Variants in FSTL4 observed in about 807,000 individuals in gnomAD.
FSTL4 encodes follistatin-related protein 4.
A neutral mutation model predicts 78.2 loss-of-function variants in FSTL4; 28 were observed. That is an observed-to-expected ratio of 0.36 (90% CI 0.27 to 0.49). The LOEUF is 0.49. Ranked by LOEUF, FSTL4 falls within the 20% of genes least tolerant of loss-of-function variation. FSTL4 has a pLI of 0.98. For missense variants in FSTL4, 922 were observed against 1,084.9 expected, an observed-to-expected ratio of 0.85 and a Z score of 2.11; for synonymous variants, 422 against 440.5, an observed-to-expected ratio of 0.96 and a Z score of 0.53.
the FSTL4 span, among the ~76,000 whole-genome samples, chr5:133,617,744 A>G: frequency 2.6e-5 from 4 of 152,178 alleles, no homozygotes; most frequent in Non-Finnish European, 5.9e-5. Context: ...GAGACCCCAG[A>G]CTGATAGAAG....
At chr5:133,217,447 C>A in intron 12 of FSTL4, 69 bp from the exon 13 acceptor site, 1 of 1,413,786 alleles carries the variant, frequency 7.1e-7, no homozygotes. Flanking sequence ...TAGGTACTCT[C>A]TCCCCTGACC....
chr5:133,655,776 G>A, the FSTL4 span, among the ~76,000 whole-genome samples: 3 of 152,198 alleles, frequency 2.0e-5, no homozygotes, highest in African/African-American at 7.2e-5. Flanking sequence ...GGGTGTTCAG[G>A]AATTGCAAAA....
chr5:133,631,937 G>A, the FSTL4 span, among the ~76,000 whole-genome samples: 1 of 152,034 alleles, frequency 6.6e-6, no homozygotes, highest in Non-Finnish European at 1.5e-5. Flanking sequence ...TCATAAGTGG[G>A]AGTTGAACAA....
At position 133,196,677 on chromosome 5, in the gene FSTL4, C is replaced by CA. The variant is rs1750155772; in HGVS notation, c.*2417_*2418insT. ...TGGCTTTCCAACTGTGTCCCATGAA[C>CA]CTCTGCTGGGGTGAAGTATGGGAGA... On this transcript the variant is annotated 3_prime_UTR_variant, in exon 16 of 16. Coordinates refer to ENST00000265342, the MANE Select transcript of FSTL4 (RefSeq NM_015082.2). 1 of 152,230 alleles carries CA rather than the reference C, an allele frequency of 6.6e-6. No homozygotes were observed. The highest frequency in any genetic ancestry group is 2.1e-4 in the South Asian group (1 of 4,832). The allele number at this position is 152,230 out of a possible 1,614,324, so 9.4% of individuals were successfully genotyped here.
At chr5:133,765,682 G>A in the FSTL4 span, among the ~76,000 whole-genome samples, 2 of 152,220 alleles carry the variant, frequency 1.3e-5, no homozygotes, top group African/African-American at 4.8e-5. Flanking sequence ...CGAGCACAGT[G>A]GAAGAGGGAG....
intron 3 of FSTL4, among the ~76,000 whole-genome samples, chr5:133,472,404 G>A (rs1272053733): frequency 6.6e-6 from 1 of 152,066 alleles, no homozygotes; most frequent in Admixed American, 6.5e-5. Flanking sequence ...AGGAGAGTGC[G>A]AGCAAAAAGA....
the FSTL4 span, among the ~76,000 whole-genome samples, chr5:133,781,393 G>A: frequency 1.1e-4 from 16 of 151,006 alleles, no homozygotes; most frequent in East Asian, 2.9e-3. Flanking sequence ...GTGTGTGTGT[G>A]TGTGTGTGTG....
intron 2 of FSTL4, among the ~76,000 whole-genome samples, chr5:133,579,859 G>C (rs961107336): frequency 1.3e-5 from 2 of 152,088 alleles, no homozygotes; most frequent in African/African-American, 4.8e-5. Context: ...AGATACAGAC[G>C]GTCTGACATA....
chr5:133,753,685 G>T, the FSTL4 span, among the ~76,000 whole-genome samples: 2 of 28,688 alleles, frequency 7.0e-5, no homozygotes, highest in African/African-American at 3.2e-4. Flanking sequence ...CATTTGTTCT[G>T]TGTGTGTGTG....
the FSTL4 span, among the ~76,000 whole-genome samples, chr5:133,654,856 C>T: frequency 6.6e-6 from 1 of 152,170 alleles, no homozygotes; most frequent in Admixed American, 6.5e-5. Flanking sequence ...CTGGCCACCT[C>T]GAAATCTCAG....
intron 6 of FSTL4, among the ~76,000 whole-genome samples, chr5:133,295,775 C>T (rs1469519991): frequency 6.6e-6 from 1 of 152,180 alleles, no homozygotes. Flanking sequence ...TTGCACTTGC[C>T]TGGGTTTCCT....
chr5:133,335,882 T>G (rs1442239942), intron 4 of FSTL4, among the ~76,000 whole-genome samples: 1 of 152,130 alleles, frequency 6.6e-6, no homozygotes, highest in Non-Finnish European at 1.5e-5. Context: ...GGGTGCTTCT[T>G]AATTATTTGG....
intron 12 of FSTL4, among the ~76,000 whole-genome samples, chr5:133,219,023 A>C (rs76882147): frequency 6.6e-6 from 1 of 152,216 alleles, no homozygotes; most frequent in Admixed American, 6.5e-5. Flanking sequence ...TTTGTCTTAC[A>C]TGATATACAG....
In FSTL4 at chr5:133,579,911, A is replaced by G. The variant is rs139749947; in HGVS notation, c.127-12692T>C. ...CAGAGTCATGGTGGGGCCAGCGGTG[A>G]TTGATCAGGCTGGAGCCTCTGAGAA... On this transcript the variant is annotated intron_variant, in intron 2 of 15. Coordinates refer to ENST00000265342, the MANE Select transcript of FSTL4 (RefSeq NM_015082.2). Among the ~76,000 whole-genome samples the G allele has an allele frequency of 5.8e-4, 88 of 152,290 alleles. No homozygotes were observed. The East Asian group carries it at 0.014, about 24-fold the overall frequency.
intron 3 of FSTL4, among the ~76,000 whole-genome samples, chr5:133,406,374 C>T (rs1756363047): frequency 6.6e-6 from 1 of 152,240 alleles, no homozygotes; most frequent in Non-Finnish European, 1.5e-5. Flanking sequence ...CCCTGCCCAA[C>T]TGTCCCACCT....
the FSTL4 span, among the ~76,000 whole-genome samples, chr5:133,681,340 G>T: frequency 6.6e-6 from 1 of 152,196 alleles, no homozygotes. Flanking sequence ...GGGCATATGC[G>T]CTCCTGCCTC....
At chr5:133,682,336 A>G in the FSTL4 span, among the ~76,000 whole-genome samples, 4 of 152,224 alleles carry the variant, frequency 2.6e-5, no homozygotes, top group Admixed American at 2.6e-4. Flanking sequence ...GTCCCAGATC[A>G]TAGCACCCAT....
intron 3 of FSTL4, among the ~76,000 whole-genome samples, chr5:133,411,900 C>A (rs1756483578): frequency 1.3e-5 from 2 of 151,992 alleles, no homozygotes; most frequent in African/African-American, 2.4e-5. Context: ...TTAATCATTC[C>A]TCTCAACAGT....
chr5:133,759,822 T>G, the FSTL4 span, among the ~76,000 whole-genome samples: 1 of 152,372 alleles, frequency 6.6e-6, no homozygotes, highest in Non-Finnish European at 1.5e-5. Flanking sequence ...ACTAAATGAT[T>G]CTACATTCTA....
Sources: gnomAD v4.1 joint callset for allele counts (sites outside exome capture counted in the v4.1 genomes callset) on GRCh38, gnomAD v4.1.1 for gene constraint, MANE v1.5 for transcripts, NCBI Gene and HGNC (gene_info 2026-07-23, HGNC 2026-07-21) for gene names.